Variants in LRP5 observed in about 807,000 individuals in gnomAD.
The protein encoded by LRP5 is LDL receptor related protein 5.
LRP5 carries 62 observed loss-of-function variants against 154.1 expected under a neutral mutation model. That is an observed-to-expected ratio of 0.40 (90% CI 0.33 to 0.50). LRP5 has a LOEUF of 0.50. LRP5 is among the 20% of genes least tolerant of loss of function. The pLI, the probability that LRP5 is intolerant of heterozygous loss-of-function variation, is 0.55. For synonymous variants in LRP5, 966 were observed against 1,011.5 expected (o/e 0.96, Z 0.85); for missense variants, 1,915 against 2,336.7 (o/e 0.82, Z 3.72).
chr11:68,380,831 G>C (rs1033461421), intron 5 of LRP5, among the ~76,000 whole-genome samples: 1 of 152,240 alleles, frequency 6.6e-6, no homozygotes, highest in African/African-American at 2.4e-5. Context: ...CGTCTGCTCT[G>C]CCTGGCACAC....
At chr11:68,430,813 C>G (rs1354058616) in intron 17 of LRP5, among the ~76,000 whole-genome samples, 4 of 152,182 alleles carry the variant, frequency 2.6e-5, no homozygotes, top group African/African-American at 9.7e-5. Context: ...AGTGAAGAAC[C>G]TGGACTTTAG....
At position 68,433,595 on chromosome 11, in the gene LRP5, C is replaced by A; in HGVS notation, c.3764-7C>A. On this transcript the variant is annotated splice_region_variant and splice_polypyrimidine_tract_variant and intron_variant, in intron 17 of 22. Coordinates refer to ENST00000294304, the MANE Select transcript of LRP5 (RefSeq NM_002335.4). ...GCGTGTGATGTTCTCCTCTGTCCCT[C>A]CCCCAGAGCCGCCCACCTGCTCCCC... 6.2e-7 allele frequency: 1 copy of A among 1,610,908 alleles called. No individual in the cohort carries two copies. The highest frequency in any genetic ancestry group is 8.5e-7 in the Non-Finnish European group (1 of 1,177,872).
rs769940068 is a variant in LRP5 at position 68,448,964 on chromosome 11, G to T, written c.4742G>T (p.Ser1581Ile). 1 of 1,611,940 alleles carries T rather than the reference G, an allele frequency of 6.2e-7. No individual in the cohort carries two copies. Among genetic ancestry groups the T allele is most frequent in the South Asian group, 1.1e-5 (1 of 91,030 alleles). Residue 1581 changes from serine (S) to isoleucine (I), a missense_variant, in exon 23 of 23, where the codon AGC becomes ATC. Physicochemically the swap from Ser to Ile is moderately radical, Grantham distance 142. This residue lies in a region of LRP5 where 1,094 missense variants were observed against 1,210.1 expected (regional missense o/e 0.90). Coordinates refer to ENST00000294304, the MANE Select transcript of LRP5 (RefSeq NM_002335.4). Reference protein sequence around the residue: ...DPYPPPPTPHSQYLSAEDSCP... With the variant: ...DPYPPPPTPHIQYLSAEDSCP... ...TATCCACCCCCACCCACGCCCCACA[G>T]CCAGTACCTGTCGGCGGAGGACAGC...
rs2098682270 is a variant in LRP5 at position 68,447,827 on chromosome 11, C to T, written c.4587-982C>T. 6.6e-6 allele frequency among the ~76,000 whole-genome samples: 1 copy of T among 152,176 alleles called. No homozygotes were observed. Among genetic ancestry groups the T allele is most frequent in the Non-Finnish European group, 1.5e-5 (1 of 68,032 alleles). ...CCACAGTTCCGAGTCTGAACTCACA[C>T]AGTGGGATGCGGCGTTTCTGGGCCA... is the stretch of plus-strand genomic sequence containing the variant. On this transcript the variant is annotated intron_variant, in intron 22 of 22. Transcript: ENST00000294304. The surrounding 1 kb of genome is among the most constrained non-coding windows in gnomAD (Gnocchi z 4.3).
Position 68,386,288 on chromosome 11 carries a change from C to T in LRP5, c.1016-28C>T. 6.2e-7 allele frequency: 1 copy of T among 1,608,532 alleles called. No homozygotes were observed. ...TTGTGCCTGCTGCAGGCCCTTGACC[C>T]CTGACCCCATTGCACCTGTCTCCAC... is the stretch of plus-strand genomic sequence containing the variant. On this transcript the variant is annotated intron_variant, in intron 5 of 22. Coordinates refer to ENST00000294304, the MANE Select transcript of LRP5 (RefSeq NM_002335.4). This position sits in a 1 kb window ranked among gnomAD's most constrained non-coding sequence, Gnocchi z 7.9.
intron 6 of LRP5, among the ~76,000 whole-genome samples, chr11:68,388,529 G>A (rs546696923): frequency 6.6e-6 from 1 of 152,036 alleles, no homozygotes; most frequent in Non-Finnish European, 1.5e-5. Flanking sequence ...GCTGTGACTT[G>A]GGGCCTCAGA....
At chr11:68,392,527 T>A (rs1319414199) in intron 7 of LRP5, among the ~76,000 whole-genome samples, 5 of 151,980 alleles carry the variant, frequency 3.3e-5, no homozygotes, top group Middle Eastern at 3.4e-3. Flanking sequence ...ATAAAAAAAA[T>A]TTTAAAAAGT....
At chr11:68,418,822 G>A (rs527953646) in intron 13 of LRP5, among the ~76,000 whole-genome samples, 1 of 152,296 alleles carries the variant, frequency 6.6e-6, no homozygotes, top group African/African-American at 2.4e-5. Context: ...CTTGCTACAG[G>A]TGACTGTCAC....
intron 7 of LRP5, among the ~76,000 whole-genome samples, chr11:68,398,353 C>T (rs914473886): frequency 1.3e-5 from 2 of 152,348 alleles, no homozygotes; most frequent in South Asian, 2.1e-4. Flanking sequence ...AGCCGGCGGC[C>T]GGCCCATTCC....
intron 5 of LRP5, among the ~76,000 whole-genome samples, chr11:68,377,525 G>A (rs1384904970): frequency 6.6e-6 from 1 of 152,170 alleles, no homozygotes; most frequent in African/African-American, 2.4e-5. Flanking sequence ...ACAGGATCCC[G>A]GGTCAAATGC....
intron 1 of LRP5, among the ~76,000 whole-genome samples, chr11:68,344,181 A>G (rs2098610811): frequency 6.6e-6 from 1 of 152,076 alleles, no homozygotes; most frequent in Non-Finnish European, 1.5e-5. Context: ...TTTCTTCGTT[A>G]TCTGTTTGGA....
chr11:68,328,268 C>T (rs1417735970), intron 1 of LRP5, among the ~76,000 whole-genome samples: 8 of 152,152 alleles, frequency 5.3e-5, no homozygotes, highest in South Asian at 2.1e-4. Flanking sequence ...AGAGCTGCCA[C>T]GTTTTGCTCA....
chr11:68,443,001 G>A (rs77547665), intron 21 of LRP5, among the ~76,000 whole-genome samples: 6,833 of 152,178 alleles, frequency 0.045, 152 homozygotes, highest in Middle Eastern at 0.085. Context: ...CTCCTGCTGC[G>A]GTTGAACCTT....
intron 2 of LRP5, among the ~76,000 whole-genome samples, chr11:68,351,535 C>T (rs1235816530): frequency 2.0e-5 from 3 of 152,184 alleles, no homozygotes; most frequent in Non-Finnish European, 4.4e-5. Context: ...TGCGGTTGCT[C>T]ACCAGCGGCT....
At chr11:68,392,497 C>T (rs1054156894) in intron 7 of LRP5, among the ~76,000 whole-genome samples, 2 of 152,064 alleles carry the variant, frequency 1.3e-5, no homozygotes, top group African/African-American at 2.4e-5. Flanking sequence ...GAGCAAGACT[C>T]TGTCTTGAAA....
chr11:68,352,212 G>A (rs1383121480), intron 2 of LRP5, among the ~76,000 whole-genome samples: 1 of 152,180 alleles, frequency 6.6e-6, no homozygotes, highest in Admixed American at 6.5e-5. Context: ...AAGGAGTGGC[G>A]AGATTTGGGA....
At chr11:68,320,200 T>C (rs2098595968) in intron 1 of LRP5, among the ~76,000 whole-genome samples, 1 of 151,992 alleles carries the variant, frequency 6.6e-6, no homozygotes, top group African/African-American at 2.4e-5. Context: ...CATACATAAC[T>C]CCTAAAAGGC....
intron 3 of LRP5, among the ~76,000 whole-genome samples, chr11:68,363,095 A>C (rs2098628958): frequency 1.3e-5 from 2 of 152,238 alleles, no homozygotes; most frequent in Non-Finnish European, 2.9e-5. Flanking sequence ...TTTACTCTGA[A>C]AGTATAAATT....
chr11:68,404,565 G>A (rs1461025004), intron 8 of LRP5: 6 of 478,142 alleles, frequency 1.3e-5, no homozygotes, highest in Admixed American at 7.0e-5. Flanking sequence ...CAGTGTGGGC[G>A]ACCCCTGGAG....
Sources: gnomAD v4.1 joint callset for allele counts (sites outside exome capture counted in the v4.1 genomes callset) on GRCh38, gnomAD v4.1.1 for gene constraint, gnomAD v4.1.1 regional missense constraint, Gnocchi (gnomAD v3.1) non-coding constraint, MANE v1.5 for transcripts, NCBI Gene and HGNC (gene_info 2026-07-23, HGNC 2026-07-21) for gene names.